Variants in SNTB2 observed in about 807,000 individuals in gnomAD.
The protein encoded by SNTB2 is beta-2-syntrophin.
SNTB2 carries 34 observed loss-of-function variants against 46.2 expected under a neutral mutation model. The ratio of observed to expected loss-of-function variants is 0.74; its 90% confidence interval spans 0.56 to 0.98. SNTB2 has a LOEUF of 0.98. Ranked by LOEUF, SNTB2 falls within the 50% of genes least tolerant of loss-of-function variation. The pLI is 0.00. For missense variants in SNTB2, 603 were observed against 731.4 expected, an observed-to-expected ratio of 0.82 and a Z score of 2.02; for synonymous variants, 290 against 312.6, an observed-to-expected ratio of 0.93 and a Z score of 0.76.
chr16:69,276,514 GCTTTCA>G (rs1053772918), intron 4 of SNTB2, among the ~76,000 whole-genome samples: 2 of 152,158 alleles, frequency 1.3e-5, no homozygotes, highest in African/African-American at 4.8e-5. Flanking sequence ...AATATCTATT[GCTTTCA>G]CCAACACTTT....
At chr16:69,223,521 C>T (rs1964427633) in intron 1 of SNTB2, among the ~76,000 whole-genome samples, 1 of 151,856 alleles carries the variant, frequency 6.6e-6, no homozygotes, top group Admixed American at 6.6e-5. Context: ...TATTAAACTA[C>T]AGTCTCTTTA....
intron 3 of SNTB2, among the ~76,000 whole-genome samples, chr16:69,269,515 GA>G (rs59406079): frequency 0.046 from 6,555 of 143,488 alleles, 194 homozygotes; most frequent in South Asian, 0.078. Flanking sequence ...GACTGTCTCA[GA>G]AAAAAAAAAA....
intron 1 of SNTB2, among the ~76,000 whole-genome samples, chr16:69,197,602 C>T (rs1391235815): frequency 6.6e-6 from 1 of 151,876 alleles, no homozygotes; most frequent in African/African-American, 2.4e-5. Flanking sequence ...ACTGCTTTTA[C>T]TTTTGATATA....
At chr16:69,233,392 T>C (rs1484678148) in intron 1 of SNTB2, among the ~76,000 whole-genome samples, 1 of 152,138 alleles carries the variant, frequency 6.6e-6, no homozygotes, top group Non-Finnish European at 1.5e-5. Flanking sequence ...TGGTTTTAAG[T>C]AGAAGAAAAT....
intron 4 of SNTB2, among the ~76,000 whole-genome samples, chr16:69,283,373 A>T (rs536986518): frequency 6.6e-6 from 1 of 152,168 alleles, no homozygotes; most frequent in Non-Finnish European, 1.5e-5. Flanking sequence ...ACATTTCTTC[A>T]TAGGCCAAAT....
In SNTB2 at chr16:69,187,448, G is replaced by A. The variant is rs1293926228; in HGVS notation, c.282G>A (p.Pro94=). The A allele has an allele frequency of 3.4e-6, 4 of 1,168,266 alleles. No individual in the cohort carries two copies. The highest frequency in any genetic ancestry group is 4.2e-6 in the Non-Finnish European group (4 of 946,816). 72.4% of individuals were successfully genotyped at this position (1,168,266 alleles called of 1,614,324 possible). The part of the protein sequence containing the change: ...PGSPSRGLGP[P]SPPAPPRGPA... ...GCCCAAGCCGCGGCCTGGGGCCCCC[G>A]AGCCCGCCGGCGCCGCCTCGGGGCC... is the stretch of plus-strand genomic sequence containing the variant. The change falls in exon 1 of 7, where the codon CCG becomes CCA. Residue 94 remains proline (P), a synonymous_variant. Transcript: ENST00000336278.
At chr16:69,232,117 G>T (rs1203555367) in intron 1 of SNTB2, among the ~76,000 whole-genome samples, 1 of 151,684 alleles carries the variant, frequency 6.6e-6, no homozygotes, top group Non-Finnish European at 1.5e-5. Context: ...AGATATTCAA[G>T]TTAGACTTCG....
Position 69,294,047 on chromosome 16 carries a change from A to T in SNTB2, c.1346-5543A>T, listed in dbSNP as rs535946445. 2.0e-5 allele frequency among the ~76,000 whole-genome samples: 3 copies of T among 152,214 alleles called. No individual in the cohort carries two copies. In the East Asian group the frequency reaches 5.8e-4, roughly 29 times the overall value. The stretch of plus-strand genomic sequence containing the variant: ...TGTTTGTTTGTTTGTTTGTTTTTAG[A>T]GAGACAGTCTCATTCTGTTGCCCAG... On this transcript the variant is annotated intron_variant, in intron 5 of 6. Coordinates refer to ENST00000336278, the MANE Select transcript of SNTB2 (RefSeq NM_006750.4).
At chr16:69,299,818 C>T in intron 6 of SNTB2, 44 bp downstream of exon 6, 1 of 1,559,566 alleles carries the variant, frequency 6.4e-7, no homozygotes, top group African/African-American at 1.4e-5. Context: ...TAGATGTTCT[C>T]TTTCCTTCTC....
At chr16:69,248,130 A>G (rs778130865) in intron 2 of SNTB2, among the ~76,000 whole-genome samples, 1 of 152,172 alleles carries the variant, frequency 6.6e-6, no homozygotes. Context: ...CTCTTAAGAA[A>G]AGTCTTAACT....
At position 69,210,906 on chromosome 16, in the gene SNTB2, G is replaced by A. The variant is rs565815883; in HGVS notation, c.580+23160G>A. Among the ~76,000 whole-genome samples, 20 of 152,102 alleles carry A rather than the reference G, an allele frequency of 1.3e-4. 1 individual carries two copies. In the South Asian group the frequency reaches 3.9e-3, roughly 30 times the overall value. On this transcript the variant is annotated intron_variant, in intron 1 of 6. Transcript: ENST00000336278. Reference sequence around the variant, plus strand: ...CTAGGGAGACTGAGGCAGGAGAATCGCTTGTACCTGGGAGGCGGAGGTTGC... The same window carrying A: ...CTAGGGAGACTGAGGCAGGAGAATCACTTGTACCTGGGAGGCGGAGGTTGC...
chr16:69,234,308 G>C (rs1302145986), intron 1 of SNTB2, among the ~76,000 whole-genome samples: 1 of 152,194 alleles, frequency 6.6e-6, no homozygotes, highest in East Asian at 1.9e-4. Context: ...ACTCCAGCCT[G>C]GGCAAGAGAG....
chr16:69,203,237 C>T (rs139726979), intron 1 of SNTB2, among the ~76,000 whole-genome samples: 2 of 151,742 alleles, frequency 1.3e-5, no homozygotes, highest in Non-Finnish European at 2.9e-5. Flanking sequence ...AGGCTGGTCT[C>T]GAACTCCTGA....
rs956426900 is a variant in SNTB2 at position 69,302,649 on chromosome 16, C to A, written c.*1725C>A. ...ACATTGTAACTCCATTGTCCTCCTTCACCCATAAGTCAGTCCTCCTTCCTC... is the reference window on the plus strand; with the variant it reads ...ACATTGTAACTCCATTGTCCTCCTTAACCCATAAGTCAGTCCTCCTTCCTC... On this transcript the variant is annotated 3_prime_UTR_variant, in exon 7 of 7. Coordinates refer to ENST00000336278, the MANE Select transcript of SNTB2 (RefSeq NM_006750.4). The A allele has an allele frequency of 6.6e-6, 1 of 152,252 alleles. No homozygotes were observed. Among genetic ancestry groups the A allele is most frequent in the Non-Finnish European group, 1.5e-5 (1 of 68,056 alleles). The allele number at this position is 152,252 out of a possible 1,614,324, so 9.4% of individuals were successfully genotyped here.
chr16:69,257,441 ATTT>A (rs1964789196), intron 2 of SNTB2, among the ~76,000 whole-genome samples: 1 of 149,826 alleles, frequency 6.7e-6, no homozygotes, highest in Admixed American at 6.7e-5. Context: ...TTATTTATTT[ATTT>A]ATTTATTTAT....
chr16:69,221,771 C>T (rs1220990727), intron 1 of SNTB2, among the ~76,000 whole-genome samples: 1 of 152,160 alleles, frequency 6.6e-6, no homozygotes, highest in African/African-American at 2.4e-5. Context: ...ATAAGACTCT[C>T]TCTCAAAAAA....
At chr16:69,262,778 G>A (rs998901458) in intron 3 of SNTB2, among the ~76,000 whole-genome samples, 1 of 152,052 alleles carries the variant, frequency 6.6e-6, no homozygotes, top group Non-Finnish European at 1.5e-5. Context: ...CCAAGTTCAA[G>A]CGATTCCCCT....
intron 4 of SNTB2, among the ~76,000 whole-genome samples, chr16:69,281,989 C>G (rs1965053169): frequency 6.8e-6 from 1 of 147,624 alleles, no homozygotes; most frequent in Non-Finnish European, 1.5e-5. Context: ...ACTGCAACCT[C>G]CACCTTCCCG....
intron 6 of SNTB2, among the ~76,000 whole-genome samples, chr16:69,300,451 C>T (rs1181320608): frequency 2.0e-5 from 3 of 152,022 alleles, no homozygotes; most frequent in African/African-American, 7.2e-5. Context: ...GGGGTTTCAC[C>T]GTGTTAGCCA....
Sources: gnomAD v4.1 joint callset for allele counts (sites outside exome capture counted in the v4.1 genomes callset) on GRCh38, gnomAD v4.1.1 for gene constraint, MANE v1.5 for transcripts, NCBI Gene and HGNC (gene_info 2026-07-23, HGNC 2026-07-21) for gene names.